The following MAP3K20 variants were observed in gnomAD, a reference collection of about 807,000 sequenced individuals.
MAP3K20 encodes HCCS-4.
A neutral mutation model predicts 85.7 loss-of-function variants in MAP3K20; 40 were observed. The ratio of observed to expected loss-of-function variants is 0.47; its 90% CI spans 0.36 to 0.61. MAP3K20 has a LOEUF of 0.61. MAP3K20 is among the 20% of genes least tolerant of loss of function. MAP3K20 has a pLI of 0.00. For synonymous variants in MAP3K20, 325 were observed against 327.7 expected (o/e 0.99, Z 0.09); for missense variants, 817 against 961.7 (o/e 0.85, Z 1.99).
rs570105058 is a variant in MAP3K20 at position 173,181,092 on chromosome 2, A to C, written c.248-1762A>C. ...AAAGATTTGAATAGATATTTTGCTT[A>C]AGAATATATAAAAGGGGCTAATAGG... On this transcript the variant is annotated intron_variant, in intron 3 of 19. Coordinates refer to ENST00000375213, the MANE Select transcript of MAP3K20 (RefSeq NM_016653.3). 2.0e-5 allele frequency among the ~76,000 whole-genome samples: 3 copies of C among 152,354 alleles called. No homozygotes were observed. In the South Asian group the frequency reaches 6.2e-4, roughly 32 times the overall value.
At chr2:173,172,987 G>A (rs372388868) in intron 3 of MAP3K20, among the ~76,000 whole-genome samples, 2 of 151,832 alleles carry the variant, frequency 1.3e-5, no homozygotes, top group Admixed American at 6.6e-5. Context: ...TAGTAGAGAC[G>A]GGGTTTCACC....
chr2:173,197,992 C>A (rs768139026), intron 7 of MAP3K20, 34 bp from the exon 8 acceptor site: 2 of 1,589,800 alleles, frequency 1.3e-6, no homozygotes, highest in East Asian at 4.5e-5. Context: ...ATATAAAGTA[C>A]AAAAATAAAA....
intron 8 of MAP3K20, among the ~76,000 whole-genome samples, chr2:173,202,068 T>C (rs1272946860): frequency 6.6e-6 from 1 of 152,188 alleles, no homozygotes; most frequent in African/African-American, 2.4e-5. Context: ...TACATTCAAG[T>C]GCATAATTGC....
rs374429112 is a variant in MAP3K20 at position 173,230,295 on chromosome 2, GA to G, written c.1032+566del. ...TGAGGAAATTAAAGTGGCAGCTCGG[GA>G]AAACAAATGAACATACTTGAAAAAA... On this transcript the variant is annotated intron_variant, in intron 12 of 19. Coordinates refer to ENST00000375213, the MANE Select transcript of MAP3K20 (RefSeq NM_016653.3). Among the ~76,000 whole-genome samples the G allele has an allele frequency of 2.0e-3, 310 of 152,132 alleles. 6 individuals are homozygous for G. In the South Asian group the frequency reaches 0.055, roughly 27 times the overall value.
chr2:173,086,093 G>A (rs1687139650), intron 1 of MAP3K20, among the ~76,000 whole-genome samples: 2 of 152,004 alleles, frequency 1.3e-5, no homozygotes, highest in Non-Finnish European at 2.9e-5. Context: ...ACCGTGCCTG[G>A]CCAAAACAAT....
At chr2:173,207,371 A>G (rs574440873) in intron 9 of MAP3K20, among the ~76,000 whole-genome samples, 17 of 152,320 alleles carry the variant, frequency 1.1e-4, no homozygotes, top group South Asian at 8.3e-4. Flanking sequence ...GCGTTCCTGT[A>G]GTCCCAGCTA....
chr2:173,191,910 C>T (rs1427787616), intron 7 of MAP3K20, among the ~76,000 whole-genome samples: 1 of 152,194 alleles, frequency 6.6e-6, no homozygotes, highest in Non-Finnish European at 1.5e-5. Flanking sequence ...TAGGTTATAC[C>T]TGCATTATCA....
chr2:173,214,877 T>A (rs886586258), intron 10 of MAP3K20, among the ~76,000 whole-genome samples: 9 of 152,222 alleles, frequency 5.9e-5, no homozygotes, highest in African/African-American at 2.2e-4. Flanking sequence ...CAGCTGTTTT[T>A]TTTGTCATCT....
chr2:173,140,392 A>C (rs1490858949), intron 2 of MAP3K20, among the ~76,000 whole-genome samples: 1 of 151,814 alleles, frequency 6.6e-6, no homozygotes, highest in African/African-American at 2.4e-5. Flanking sequence ...CTTGTTGTCC[A>C]GGCTGGTATG....
chr2:173,169,937 CTT>C (rs780685373), intron 3 of MAP3K20, 45 bp downstream of exon 3: 1 of 1,529,214 alleles, frequency 6.5e-7, no homozygotes, highest in South Asian at 1.1e-5. Context: ...AATTACCTAG[CTT>C]TAGATTCCTT....
At chr2:173,100,328 T>C (rs6758859) in intron 2 of MAP3K20, among the ~76,000 whole-genome samples, 63,958 of 151,988 alleles carry the variant, frequency 0.42, 14,678 homozygotes, top group African/African-American at 0.6. Context: ...AATCTGCATT[T>C]GATGGAAACT....
chr2:173,219,963 G>T (rs1684189964), intron 11 of MAP3K20, among the ~76,000 whole-genome samples: 1 of 151,580 alleles, frequency 6.6e-6, no homozygotes, highest in South Asian at 2.1e-4. Flanking sequence ...AGCTATTTGG[G>T]AGGCTGAGGC....
At chr2:173,166,749 G>A (rs904244017) in intron 2 of MAP3K20, 1 of 151,986 alleles carries the variant, frequency 6.6e-6, no homozygotes, top group Admixed American at 6.6e-5. Flanking sequence ...TCATTTTCAT[G>A]TTTTCCTTTT....
intron 2 of MAP3K20, among the ~76,000 whole-genome samples, chr2:173,109,047 C>T (rs1165087104): frequency 6.6e-6 from 1 of 152,154 alleles, no homozygotes; most frequent in Non-Finnish European, 1.5e-5. Context: ...TTCAACTCTC[C>T]TAGAATGTCA....
chr2:173,174,181 C>A (rs1574078672), intron 3 of MAP3K20, among the ~76,000 whole-genome samples: 1 of 152,096 alleles, frequency 6.6e-6, no homozygotes, highest in Admixed American at 6.6e-5. Context: ...ACTTCAAAGT[C>A]ATGAAACTAT....
At chr2:173,168,731 G>A (rs540793247) in intron 2 of MAP3K20, among the ~76,000 whole-genome samples, 1 of 151,962 alleles carries the variant, frequency 6.6e-6, no homozygotes, top group South Asian at 2.1e-4. Context: ...TTTAACTTAC[G>A]TGATTTTATA....
intron 2 of MAP3K20, among the ~76,000 whole-genome samples, chr2:173,124,512 A>G (rs1264742653): frequency 6.6e-6 from 1 of 152,130 alleles, no homozygotes; most frequent in African/African-American, 2.4e-5. Context: ...GCTGGTTCAC[A>G]AGAAGCCACC....
At chr2:173,214,211 A>G (rs1338060345) in intron 10 of MAP3K20, 3 of 150,148 alleles carry the variant, frequency 2.0e-5, no homozygotes, top group Admixed American at 2.0e-4. Flanking sequence ...AATGATAGGA[A>G]CAAAATCTAG....
At chr2:173,099,721 C>T (rs1456699782) in intron 2 of MAP3K20, among the ~76,000 whole-genome samples, 1 of 152,132 alleles carries the variant, frequency 6.6e-6, no homozygotes, top group African/African-American at 2.4e-5. Context: ...TGAATTTATA[C>T]CACATAATAC....
Sources: gnomAD v4.1 joint callset for allele counts (sites outside exome capture counted in the v4.1 genomes callset) on GRCh38, gnomAD v4.1.1 for gene constraint, MANE v1.5 for transcripts, NCBI Gene and HGNC (gene_info 2026-07-23, HGNC 2026-07-21) for gene names.